The following PLPPR1 variants were observed in gnomAD, a reference collection of about 807,000 sequenced individuals.
PLPPR1 encodes the protein phospholipid phosphatase-related protein type 1.
PLPPR1 carries 10 observed loss-of-function variants against 33.1 expected under a neutral mutation model. That is an observed-to-expected ratio of 0.30 (90% CI 0.19 to 0.51). The LOEUF (loss-of-function observed/expected upper bound fraction) is 0.51. Among genes scored for constraint, PLPPR1 ranks in the 20% least tolerant of loss-of-function variants. PLPPR1 has a pLI of 0.97. For missense variants in PLPPR1, 304 were observed against 408.1 expected (o/e 0.74, Z 2.20); for synonymous variants, 151 against 151.0 (o/e 1.00, Z 0.00).
intron 4 of PLPPR1, among the ~76,000 whole-genome samples, chr9:101,287,604 G>C (rs1489806456): frequency 6.6e-6 from 1 of 152,170 alleles, no homozygotes; most frequent in African/African-American, 2.4e-5. Flanking sequence ...AGGTTCAAGC[G>C]ATTCTCCTGT....
chr9:101,276,097 T>C (rs1183923533), intron 3 of PLPPR1, among the ~76,000 whole-genome samples: 3 of 152,140 alleles, frequency 2.0e-5, no homozygotes, highest in South Asian at 2.1e-4. Context: ...AAAGGAGACA[T>C]TGTAGGGTCT....
chr9:101,129,801 A>G (rs2118610097), intron 1 of PLPPR1, among the ~76,000 whole-genome samples: 1 of 152,350 alleles, frequency 6.6e-6, no homozygotes, highest in South Asian at 2.1e-4. Flanking sequence ...ACTGCACTCC[A>G]GCCTAGGCGA....
intron 6 of PLPPR1, among the ~76,000 whole-genome samples, chr9:101,314,887 G>GTAT (rs1451472385): frequency 6.6e-6 from 1 of 152,234 alleles, no homozygotes; most frequent in African/African-American, 2.4e-5. Flanking sequence ...TCTGGATGAA[G>GTAT]TTGCAGGAAA....
chr9:101,106,466 G>A (rs1382692820), intron 1 of PLPPR1, among the ~76,000 whole-genome samples: 1 of 117,274 alleles, frequency 8.5e-6, no homozygotes, highest in East Asian at 3.1e-4. Flanking sequence ...TAAGAATGTT[G>A]AATATTGGCC....
At chr9:101,272,634 G>A (rs1217569669) in intron 3 of PLPPR1, among the ~76,000 whole-genome samples, 1 of 151,980 alleles carries the variant, frequency 6.6e-6, no homozygotes, top group African/African-American at 2.4e-5. Context: ...AATGAGAGAG[G>A]ACAAGAATAG....
At chr9:101,133,977 G>A (rs1203903963) in intron 1 of PLPPR1, among the ~76,000 whole-genome samples, 1 of 152,178 alleles carries the variant, frequency 6.6e-6, no homozygotes, top group Non-Finnish European at 1.5e-5. Context: ...TGAGAATTAA[G>A]TAAGATGATA....
intron 1 of PLPPR1, among the ~76,000 whole-genome samples, chr9:101,081,489 G>A (rs1830619393): frequency 1.3e-5 from 2 of 152,004 alleles, no homozygotes; most frequent in South Asian, 2.1e-4. Context: ...CACCATGCCC[G>A]GCCAATGCAT....
chr9:101,197,870 C>G (rs1242170913), intron 2 of PLPPR1, among the ~76,000 whole-genome samples: 2 of 152,112 alleles, frequency 1.3e-5, no homozygotes, highest in African/African-American at 2.4e-5. Context: ...ACAAAAGATC[C>G]AAAGACATAT....
intron 2 of PLPPR1, among the ~76,000 whole-genome samples, chr9:101,253,335 G>C (rs955954078): frequency 3.9e-5 from 6 of 151,944 alleles, no homozygotes; most frequent in African/African-American, 1.5e-4. Context: ...ATCATTTGAG[G>C]TTAGGAGTTC....
At chr9:101,303,714 G>A (rs1488994257) in intron 4 of PLPPR1, among the ~76,000 whole-genome samples, 1 of 152,198 alleles carries the variant, frequency 6.6e-6, no homozygotes, top group Non-Finnish European at 1.5e-5. Flanking sequence ...CATAGATGCA[G>A]AGTACTGTTG....
At position 101,324,697 on chromosome 9, in the gene PLPPR1, C is replaced by T. The variant is rs1829221666; in HGVS notation, c.*640C>T. 1 of 152,538 alleles carries T rather than the reference C, an allele frequency of 6.6e-6. No homozygotes were observed. Among genetic ancestry groups the T allele is most frequent in the Non-Finnish European group, 1.5e-5 (1 of 68,042 alleles). The allele number at this position is 152,538 out of a possible 1,614,324, so 9.4% of individuals were successfully genotyped here. A position where few individuals can be genotyped will look rare whatever the true frequency, so the allele number is the denominator to read the frequency against. ...TATATGATTCTTTCTTAGATAATGG[C>T]CTCTACTAAATAACTCAAGATCTTT... On this transcript the variant is annotated 3_prime_UTR_variant, in exon 8 of 8. Coordinates refer to ENST00000374874, the MANE Select transcript of PLPPR1 (RefSeq NM_207299.2).
At chr9:101,091,888 T>C (rs564818709) in intron 1 of PLPPR1, among the ~76,000 whole-genome samples, 2 of 152,376 alleles carry the variant, frequency 1.3e-5, no homozygotes, top group South Asian at 4.1e-4. Context: ...TCACTTGAAT[T>C]GTGCAGATAA....
chr9:101,285,077 G>T (rs766872176), intron 3 of PLPPR1, among the ~76,000 whole-genome samples: 1 of 152,166 alleles, frequency 6.6e-6, no homozygotes, highest in Non-Finnish European at 1.5e-5. Flanking sequence ...TATGCCTGCA[G>T]GAGGGATCTT....
rs549955449 is a variant in PLPPR1, at chr9:101,028,984, A to T, written c.-164A>T. The T allele has an allele frequency of 6.5e-6, 1 of 153,280 alleles. No individual in the cohort carries two copies. The highest frequency in any genetic ancestry group is 6.5e-5 in the Admixed American group (1 of 15,288). 9.5% of individuals were successfully genotyped at this position (153,280 alleles called of 1,614,324 possible). A position where few individuals can be genotyped will look rare whatever the true frequency, so the allele number is the denominator to read the frequency against. The stretch of plus-strand genomic sequence containing the variant: ...CGCTCGCTCGCCGGCTTGCTCTCCC[A>T]CGCAAGCGGAATGCAGCAGCGCCTG... On this transcript the variant is annotated 5_prime_UTR_variant, in exon 1 of 8. Coordinates refer to ENST00000374874, the MANE Select transcript of PLPPR1 (RefSeq NM_207299.2).
At chr9:101,161,631 T>C (rs1451272328) in intron 1 of PLPPR1, among the ~76,000 whole-genome samples, 1 of 151,984 alleles carries the variant, frequency 6.6e-6, no homozygotes, top group Non-Finnish European at 1.5e-5. Flanking sequence ...TCCTGGAGAG[T>C]TTCACTCTGC....
intron 3 of PLPPR1, among the ~76,000 whole-genome samples, chr9:101,283,593 C>T (rs574065892): frequency 6.6e-6 from 1 of 152,154 alleles, no homozygotes; most frequent in East Asian, 1.9e-4. Context: ...TATGTCTGGG[C>T]AATAATTTTC....
intron 1 of PLPPR1, among the ~76,000 whole-genome samples, chr9:101,073,896 G>A (rs1457433750): frequency 6.6e-6 from 1 of 151,192 alleles, no homozygotes; most frequent in African/African-American, 2.4e-5. Flanking sequence ...AGAAGAAGAT[G>A]AAGCCATGAA....
intron 2 of PLPPR1, among the ~76,000 whole-genome samples, chr9:101,200,243 C>G (rs961701896): frequency 1.3e-5 from 2 of 152,166 alleles, no homozygotes; most frequent in African/African-American, 4.8e-5. Context: ...GATATAGTCT[C>G]TGAGAGGGTA....
At chr9:101,136,506 C>T (rs1465952786) in intron 1 of PLPPR1, among the ~76,000 whole-genome samples, 1 of 152,126 alleles carries the variant, frequency 6.6e-6, no homozygotes, top group Non-Finnish European at 1.5e-5. Flanking sequence ...GCTTTTATCA[C>T]CTTAGTGAAG....
Sources: allele counts gnomAD v4.1 joint callset (sites outside exome capture counted in the v4.1 genomes callset), GRCh38; gene constraint gnomAD v4.1.1; transcripts MANE v1.5; gene names NCBI Gene and HGNC (gene_info 2026-07-23, HGNC 2026-07-21).